Variants in NUP214 observed in about 807,000 individuals in gnomAD.
The protein encoded by NUP214 is nuclear pore complex protein Nup214.
Under a neutral mutation model 196.2 loss-of-function variants are expected in NUP214, and 79 were observed. The ratio of observed to expected loss-of-function variants is 0.40; its 90% CI spans 0.34 to 0.49. NUP214 has a LOEUF of 0.49. Among genes scored for constraint, NUP214 ranks in the 20% least tolerant of loss-of-function variants. The probability of loss-of-function intolerance (pLI) is 0.58; values close to 1 mark genes in which losing one functional copy is unlikely to be tolerated. For missense variants in NUP214, 2,468 were observed against 2,539.0 expected (o/e 0.97, Z 0.60); for synonymous variants, 1,020 against 990.5 (o/e 1.03, Z -0.56).
rs1346596200 is a variant in NUP214, at chr9:131,140,710, G to A, written c.1294G>A (p.Gly432Arg). Residue 432 changes from glycine to arginine, a missense_variant and splice_region_variant, in exon 11 of 36, where the codon GGA becomes AGA. Transcript: ENST00000359428. ...AGGAGAGCGACAGCCCAAGTCACCA[G>A]GTATGTGCCTCTGCCTGCTTTATCA... is the stretch of plus-strand genomic sequence containing the variant. ...LEGERQPKSP[G>R]STPTTPTSSQ... 6.2e-7 allele frequency: 1 copy of A among 1,611,672 alleles called. No individual in the cohort carries two copies. Among genetic ancestry groups the A allele is most frequent in the South Asian group, 1.1e-5 (1 of 90,592 alleles).
At chr9:131,138,935 A>G (rs1831822619) in intron 9 of NUP214, among the ~76,000 whole-genome samples, 1 of 152,156 alleles carries the variant, frequency 6.6e-6, no homozygotes, top group South Asian at 2.1e-4. Flanking sequence ...CTGCTGTTGG[A>G]TTTGTCCCTC....
At position 131,234,073 on chromosome 9, in the gene NUP214, G is replaced by T; in HGVS notation, c.*586G>T. The stretch of plus-strand genomic sequence containing the variant: ...GTTGAGTTTCAGAAGCAGCCATAGC[G>T]CTTTTCAGTACAGTACAATAGTAGC... On this transcript the variant is annotated 3_prime_UTR_variant, in exon 36 of 36. Transcript: ENST00000359428. 3.9e-6 allele frequency: 1 copy of T among 254,576 alleles called. No homozygotes were observed. Among genetic ancestry groups the T allele is most frequent in the South Asian group, 1.2e-4 (1 of 8,386 alleles). The allele number at this position is 254,576 out of a possible 1,614,324, so 15.8% of individuals were successfully genotyped here. A position where few individuals can be genotyped will look rare whatever the true frequency, so the allele number is the denominator to read the frequency against.
chr9:131,163,537 C>G (rs1338629456), intron 19 of NUP214, among the ~76,000 whole-genome samples: 1 of 152,118 alleles, frequency 6.6e-6, no homozygotes, highest in Non-Finnish European at 1.5e-5. Context: ...TGCCATTCTG[C>G]TTGAATGGGG....
rs772861956 is a variant in NUP214, at chr9:131,228,228, G to A, written c.5971G>A (p.Val1991Met). 3 of 1,605,976 alleles carry A rather than the reference G, an allele frequency of 1.9e-6. No homozygotes were observed. Among genetic ancestry groups the A allele is most frequent in the Non-Finnish European group, 2.5e-6 (3 of 1,176,992 alleles). The change falls in exon 33 of 36, where the codon GTG (valine) becomes ATG (methionine). Residue 1991 changes from valine (V) to methionine (M), a missense_variant. By Grantham distance (21) the Val-to-Met change is conservative (BLOSUM62 1). Transcript: ENST00000359428. ...TFGGSPGFGG[V>M]PAFGSAPAFT... is the part of the protein sequence containing the mutation. ...TGGGGGATCCCCTGGGTTTGGAGGG[G>A]TGCCAGCATTCGGTTCAGCCCCAGC... is the stretch of plus-strand genomic sequence containing the variant.
chr9:131,181,151 G>A (rs538502630), intron 24 of NUP214, among the ~76,000 whole-genome samples: 4 of 152,264 alleles, frequency 2.6e-5, no homozygotes, highest in African/African-American at 9.6e-5. Context: ...AATGAAGAGA[G>A]AAAGGCCACA....
Position 131,136,022 on chromosome 9 carries a change from G to A in NUP214, c.1005+16G>A, listed in dbSNP as rs376361625. The A allele has an allele frequency of 5.1e-5, 81 of 1,597,608 alleles. No individual in the cohort carries two copies. The African/African-American group carries it at 8.2e-4, about 16-fold the overall frequency. On this transcript the variant is annotated intron_variant, in intron 9 of 35. Transcript: ENST00000359428. ...AAGTGATCAGGTAAATCTCTTTTTTGTCACTTCTGTGGTGCTTTCTTTTTT... is the reference window on the plus strand; with the variant it reads ...AAGTGATCAGGTAAATCTCTTTTTTATCACTTCTGTGGTGCTTTCTTTTTT...
At chr9:131,226,105 T>TG (rs1429571440) in intron 32 of NUP214, among the ~76,000 whole-genome samples, 1 of 152,156 alleles carries the variant, frequency 6.6e-6, no homozygotes, top group Non-Finnish European at 1.5e-5. Context: ...TGGCTGAAGT[T>TG]GGGACAAGTG....
At chr9:131,174,941 C>CTGTT (rs1366713658) in intron 22 of NUP214, among the ~76,000 whole-genome samples, 1 of 152,170 alleles carries the variant, frequency 6.6e-6, no homozygotes, top group Non-Finnish European at 1.5e-5. Context: ...TAAAAGGGGG[C>CTGTT]TGTTTGCTTC....
chr9:131,178,466 A>G, intron 24 of NUP214, 56 bp downstream of exon 24: 1 of 1,293,100 alleles, frequency 7.7e-7, no homozygotes, highest in Non-Finnish European at 1.1e-6. Flanking sequence ...GTAGCGGTGG[A>G]CTGCCTGCAG....
intron 17 of NUP214, among the ~76,000 whole-genome samples, chr9:131,155,912 G>A (rs527953421): frequency 7.9e-5 from 12 of 152,176 alleles, no homozygotes; most frequent in South Asian, 6.2e-4. Context: ...GTCAGATAAC[G>A]TGATACCTCC....
chr9:131,147,329 G>A (rs1832114164), intron 13 of NUP214, among the ~76,000 whole-genome samples, 161 bp from the exon 14 acceptor site: 1 of 152,084 alleles, frequency 6.6e-6, no homozygotes, highest in South Asian at 2.1e-4. Context: ...TTAGAACAGA[G>A]GCTAGCACAA....
At chr9:131,224,660 T>C (rs1834675575) in intron 32 of NUP214, among the ~76,000 whole-genome samples, 1 of 152,222 alleles carries the variant, frequency 6.6e-6, no homozygotes, top group South Asian at 2.1e-4. Flanking sequence ...TTACCTCAGA[T>C]TGTGACTCAG....
intron 10 of NUP214, among the ~76,000 whole-genome samples, chr9:131,139,978 C>T (rs558968998): frequency 8.5e-5 from 13 of 152,160 alleles, no homozygotes; most frequent in South Asian, 4.1e-4. Context: ...GAGGTGTCCC[C>T]GTCAGGCACC....
At chr9:131,211,481 G>A (rs910399137) in intron 30 of NUP214, among the ~76,000 whole-genome samples, 4 of 152,090 alleles carry the variant, frequency 2.6e-5, no homozygotes, top group African/African-American at 7.2e-5. Flanking sequence ...GTCCTGTGGC[G>A]TTTCCCATGA....
rs71389402 is a variant in NUP214, at chr9:131,193,629, C to CTTTTTTTTTTTTTTTTTTTTT, written c.3659+1350_3659+1370dup. On this transcript the variant is annotated intron_variant, in intron 27 of 35. Coordinates refer to ENST00000359428, the MANE Select transcript of NUP214 (RefSeq NM_005085.4). ...GTGAAATGATATTCTTCTTCCTTTT[C>CTTTTTTTTTTTTTTTTTTTTT]TTTTTTTTTTTTTTTTTTTTTTTTT... is the stretch of plus-strand genomic sequence containing the variant. Among the ~76,000 whole-genome samples, 276 of 28,232 alleles carry CTTTTTTTTTTTTTTTTTTTTT rather than the reference C, an allele frequency of 9.8e-3. 114 individuals carry two copies. The highest frequency in any genetic ancestry group is 0.012 in the Non-Finnish European group (188 of 15,438). 18.5% of individuals were successfully genotyped at this position (28,232 alleles called of 152,430 possible). A position where few individuals can be genotyped will look rare whatever the true frequency, so the allele number is the denominator to read the frequency against.
At position 131,151,805 on chromosome 9, in the gene NUP214, A is replaced by G. The variant is rs190788992; in HGVS notation, c.2347A>G (p.Arg783Gly). The G allele has an allele frequency of 1.9e-4, 305 of 1,613,800 alleles. 3 individuals carry two copies. The East Asian group carries it at 5.9e-3, about 31-fold the overall frequency. The change falls in exon 17 of 36, where the codon AGA (arginine) becomes GGA (glycine). Residue 783 changes from arginine to glycine, a missense_variant. By Grantham distance (125) the Arg-to-Gly change is moderately radical (BLOSUM62 -2). Transcript: ENST00000359428. ...GGGCTTTGCTGGTGTTGAGGAAGCCAGAGAACAAAATGAAAGAAATCGTGA... is the reference window on the plus strand; with the variant it reads ...GGGCTTTGCTGGTGTTGAGGAAGCCGGAGAACAAAATGAAAGAAATCGTGA... ...LEGFAGVEEA[R>G]EQNERNRDSG...
At chr9:131,222,678 C>G (rs887894581) in intron 31 of NUP214, 100 bp from the exon 32 acceptor site, 1 of 1,409,122 alleles carries the variant, frequency 7.1e-7, no homozygotes, top group East Asian at 2.4e-5. Flanking sequence ...CTTGTCACTC[C>G]CATCTTTCCA....
intron 31 of NUP214, 165 bp from the exon 32 acceptor site, chr9:131,222,613 C>T: frequency 6.1e-6 from 4 of 653,516 alleles, no homozygotes; most frequent in Non-Finnish European, 9.9e-6. Context: ...GCGTGAAAAT[C>T]AGAGAAAGTA....
In NUP214 at chr9:131,174,087, A is replaced by G. The variant is rs759676566; in HGVS notation, c.2926A>G (p.Arg976Gly). ...GTCTCGATCAGCCTTTCTGTCTCAG[A>G]GATATTATGAAGACTTGGATGAAGT... ...SLSRSAFLSQRYYEDLDEVSS... is the reference protein window; with the variant it reads ...SLSRSAFLSQGYYEDLDEVSS... The change falls in exon 22 of 36, where the codon AGA becomes GGA. Residue 976 changes from arginine to glycine, a missense_variant. Transcript: ENST00000359428. 1.2e-6 allele frequency: 2 copies of G among 1,613,142 alleles called. No individual in the cohort carries two copies. Among genetic ancestry groups the G allele is most frequent in the African/African-American group, 2.7e-5 (2 of 74,794 alleles).
Sources: gnomAD v4.1 joint callset for allele counts (sites outside exome capture counted in the v4.1 genomes callset) on GRCh38, gnomAD v4.1.1 for gene constraint, MANE v1.5 for transcripts, NCBI Gene and HGNC (gene_info 2026-07-23, HGNC 2026-07-21) for gene names.